Variants in APBA1 observed in about 807,000 individuals in gnomAD.
APBA1 encodes the protein amyloid beta precursor protein binding family A member 1.
Under a neutral mutation model 86.6 loss-of-function variants are expected in APBA1, and 55 were observed. The observed-to-expected ratio is 0.64, with a 90% CI of 0.51 to 0.80. The LOEUF (loss-of-function observed/expected upper bound fraction) is 0.80. Ranked by LOEUF, APBA1 falls within the 30% of genes least tolerant of loss-of-function variation. The probability of loss-of-function intolerance (pLI) is 0.00; values close to 1 mark genes in which losing one functional copy is unlikely to be tolerated. For missense variants in APBA1, 1,090 were observed against 1,183.0 expected (o/e 0.92, Z 1.15); for synonymous variants, 511 against 493.9 (o/e 1.03, Z -0.46).
chr9:69,624,905 T>C (rs1822899102), intron 1 of APBA1, among the ~76,000 whole-genome samples: 2 of 152,182 alleles, frequency 1.3e-5, no homozygotes, highest in Non-Finnish European at 2.9e-5. Flanking sequence ...TTTATTCCTA[T>C]TGAAAAGGAA....
intron 1 of APBA1, among the ~76,000 whole-genome samples, chr9:69,530,306 GTATATATA>G (rs370549415): frequency 0.011 from 1,229 of 115,980 alleles, 14 homozygotes; most frequent in East Asian, 0.017. Context: ...TTGTGTGTGT[GTATATATA>G]TATATATATA....
rs1207407618 is a variant in APBA1, at chr9:69,516,819, T to C, written c.392A>G (p.Glu131Gly). The change falls in exon 2 of 13, where the codon GAG becomes GGG. Residue 131 changes from glutamate to glycine, a missense_variant. By Grantham distance (98) the Glu-to-Gly change is moderately conservative. Transcript: ENST00000265381. This position sits in a 1 kb window ranked among gnomAD's most constrained non-coding sequence, Gnocchi z 7.3. ...CTCGGCGTGCTCGGCCTCTGCCTGCTCCGTGTACTCCTCGGCCTCGGGCCG... is the reference window on the plus strand; with the variant it reads ...CTCGGCGTGCTCGGCCTCTGCCTGCCCCGTGTACTCCTCGGCCTCGGGCCG... ...QYRPEAEEYT[E>G]QAEAEHAEAT... 4 of 1,607,026 alleles carry C rather than the reference T, an allele frequency of 2.5e-6. No individual in the cohort carries two copies. The highest frequency in any genetic ancestry group is 3.4e-6 in the Non-Finnish European group (4 of 1,179,258).
intron 1 of APBA1, among the ~76,000 whole-genome samples, chr9:69,527,422 T>C (rs1836361912): frequency 6.6e-6 from 1 of 152,088 alleles, no homozygotes; most frequent in Admixed American, 6.6e-5. Flanking sequence ...TACTGAACTA[T>C]GCATAGGCCA....
chr9:69,550,754 G>A (rs1836770632), intron 1 of APBA1, among the ~76,000 whole-genome samples: 2 of 152,178 alleles, frequency 1.3e-5, no homozygotes, highest in Admixed American at 1.3e-4. Flanking sequence ...TACAGGAGAT[G>A]GGAGAGTGAG....
intron 1 of APBA1, among the ~76,000 whole-genome samples, chr9:69,634,836 GA>G: frequency 1.1e-4 from 1 of 8,716 alleles, no homozygotes; most frequent in Middle Eastern, 0.25. Context: ...TTAAAGTGCA[GA>G]AGGAAAAAAA....
intron 1 of APBA1, among the ~76,000 whole-genome samples, chr9:69,643,896 C>T (rs184402755): frequency 1.2e-3 from 189 of 152,298 alleles, no homozygotes; most frequent in Non-Finnish European, 2.3e-3. Flanking sequence ...CAGCTTCTTG[C>T]TATTATCCAA....
At chr9:69,453,193 G>C (rs1196589833) in intron 8 of APBA1, among the ~76,000 whole-genome samples, 1 of 152,168 alleles carries the variant, frequency 6.6e-6, no homozygotes, top group Admixed American at 6.5e-5. Flanking sequence ...TTCTGTGAAA[G>C]ATTTTTCAAT....
At chr9:69,529,345 G>A (rs1836389454) in intron 1 of APBA1, among the ~76,000 whole-genome samples, 2 of 152,060 alleles carry the variant, frequency 1.3e-5, no homozygotes. Flanking sequence ...CAATGGAGAT[G>A]CCTTAAATTT....
chr9:69,529,924 A>G (rs1474601452), intron 1 of APBA1, among the ~76,000 whole-genome samples: 2 of 152,118 alleles, frequency 1.3e-5, no homozygotes, highest in Non-Finnish European at 2.9e-5. Flanking sequence ...ACAAGTGGCC[A>G]AGAAACACAT....
intron 2 of APBA1, among the ~76,000 whole-genome samples, chr9:69,498,405 A>G (rs1835832578): frequency 6.6e-6 from 1 of 152,124 alleles, no homozygotes; most frequent in Admixed American, 6.5e-5. Flanking sequence ...AGAGACCCTA[A>G]TGGAGAGAAA....
intron 1 of APBA1, among the ~76,000 whole-genome samples, chr9:69,659,607 C>G (rs894521578): frequency 6.6e-6 from 1 of 152,170 alleles, no homozygotes; most frequent in Admixed American, 6.5e-5. Flanking sequence ...TTGTGTTTCA[C>G]AGGGAGCAGC....
chr9:69,588,207 A>G (rs1167924143), intron 1 of APBA1, among the ~76,000 whole-genome samples: 13 of 152,122 alleles, frequency 8.5e-5, no homozygotes, highest in Non-Finnish European at 1.8e-4. Flanking sequence ...ATTAGATGAA[A>G]TATCTAGTGC....
chr9:69,431,313 G>A lies in APBA1; in HGVS notation c.*14C>T, dbSNP rs748381972. 44 of 1,588,572 alleles carry A rather than the reference G, an allele frequency of 2.8e-5. No individual in the cohort carries two copies. The highest frequency in any genetic ancestry group is 4.6e-5 in the South Asian group (4 of 87,040). On this transcript the variant is annotated 3_prime_UTR_variant, in exon 13 of 13. Transcript: ENST00000265381. Reference sequence around the variant, plus strand: ...AGGAGAGTCCTCCATGCATGCCACCGCGTGTGGCCGCGGTCAGATGTAAAC... The same window carrying A: ...AGGAGAGTCCTCCATGCATGCCACCACGTGTGGCCGCGGTCAGATGTAAAC...
chr9:69,434,111 G>C (rs927160912), intron 11 of APBA1, among the ~76,000 whole-genome samples: 2 of 152,196 alleles, frequency 1.3e-5, no homozygotes, highest in African/African-American at 4.8e-5. Flanking sequence ...CAAACTGTTC[G>C]AGTCCCAATT....
chr9:69,472,104 T>C (rs1345318742), intron 3 of APBA1, among the ~76,000 whole-genome samples: 2 of 152,234 alleles, frequency 1.3e-5, no homozygotes, highest in Non-Finnish European at 2.9e-5. Context: ...GAGAAATTTA[T>C]TTTACTCTTT....
chr9:69,604,387 T>G (rs1822420448), intron 1 of APBA1, among the ~76,000 whole-genome samples: 1 of 122,034 alleles, frequency 8.2e-6, no homozygotes, highest in Non-Finnish European at 1.6e-5. Flanking sequence ...TGCACACACT[T>G]GAGGGTAAGT....
At chr9:69,434,140 C>A (rs113097373) in intron 11 of APBA1, among the ~76,000 whole-genome samples, 33 of 152,330 alleles carry the variant, frequency 2.2e-4, no homozygotes, top group African/African-American at 7.0e-4. Flanking sequence ...GGGAACTGAG[C>A]CGGCCCCTGC....
chr9:69,534,323 G>A (rs1369842687), intron 1 of APBA1, among the ~76,000 whole-genome samples: 4 of 152,172 alleles, frequency 2.6e-5, no homozygotes, highest in African/African-American at 4.8e-5. Flanking sequence ...CTCTCCTTGC[G>A]TCTAGCTGGG....
chr9:69,490,271 C>G (rs928804235), intron 2 of APBA1, among the ~76,000 whole-genome samples: 2 of 151,022 alleles, frequency 1.3e-5, no homozygotes, highest in African/African-American at 2.4e-5. Context: ...GGGAATTGAA[C>G]AATGAGAACA....
Sources: allele counts gnomAD v4.1 joint callset (sites outside exome capture counted in the v4.1 genomes callset), GRCh38; gene constraint gnomAD v4.1.1; non-coding constraint Gnocchi (gnomAD v3.1); transcripts MANE v1.5; gene names NCBI Gene and HGNC (gene_info 2026-07-23, HGNC 2026-07-21).